The following SLC35F4 variants were observed in gnomAD, a reference collection of about 807,000 sequenced individuals.
SLC35F4 encodes the protein solute carrier family 35 member F4.
SLC35F4 carries 24 observed loss-of-function variants against 44.2 expected under a neutral mutation model. The ratio of observed to expected loss-of-function variants is 0.54; its 90% confidence interval spans 0.39 to 0.76. The LOEUF is 0.76. Ranked by LOEUF, SLC35F4 falls within the 30% of genes least tolerant of loss-of-function variation. The pLI is 0.00. For synonymous variants in SLC35F4, 238 were observed against 223.6 expected (o/e 1.06, Z -0.57); for missense variants, 562 against 586.1 (o/e 0.96, Z 0.42).
In SLC35F4 at chr14:57,569,000, A is replaced by T. The variant is rs553246413; in HGVS notation, c.1126+788T>A. The stretch of plus-strand genomic sequence containing the variant: ...CTCTCACATCAAGTGACAGCAGCAC[A>T]GCTTAAAAGTCAGATCCTGGAGCTC... On this transcript the variant is annotated intron_variant, in intron 6 of 7. Transcript: ENST00000556826. Among the ~76,000 whole-genome samples the T allele has an allele frequency of 9.8e-5, 15 of 152,290 alleles. No individual in the cohort carries two copies. The South Asian group carries it at 3.1e-3, about 32-fold the overall frequency.
At chr14:57,963,496 T>C (rs1332000291) in intron 1 of SLC35F4, among the ~76,000 whole-genome samples, 3 of 152,162 alleles carry the variant, frequency 2.0e-5, no homozygotes, top group Non-Finnish European at 2.9e-5. Flanking sequence ...CAGCAGGTCC[T>C]GCAGTGCTGT....
chr14:57,604,494 T>C (rs749816787), intron 1 of SLC35F4, among the ~76,000 whole-genome samples: 3 of 152,130 alleles, frequency 2.0e-5, no homozygotes, highest in South Asian at 2.1e-4. Flanking sequence ...TGCTCATGGA[T>C]TGGAAGAATC....
At chr14:57,660,911 A>C (rs2074117644) in intron 1 of SLC35F4, among the ~76,000 whole-genome samples, 1 of 151,888 alleles carries the variant, frequency 6.6e-6, no homozygotes, top group South Asian at 2.1e-4. Context: ...TAAAATCGTA[A>C]ATATTTGTTG....
chr14:57,846,548 A>C (rs145830295), intron 1 of SLC35F4, among the ~76,000 whole-genome samples: 4 of 152,294 alleles, frequency 2.6e-5, no homozygotes, highest in African/African-American at 9.6e-5. Context: ...AAACAAAATC[A>C]ATTTTTGTTC....
rs2068407995 is a variant in SLC35F4, at chr14:57,569,953, C to T, written c.961G>A (p.Ala321Thr). 1 of 1,608,442 alleles carries T rather than the reference C, an allele frequency of 6.2e-7. No individual in the cohort carries two copies. Among genetic ancestry groups the T allele is most frequent in the Non-Finnish European group, 8.5e-7 (1 of 1,178,008 alleles). ...AAGTGTGCAGCTTCCCCAAAGTTGGCACTTCCAAGAAACATTTTAAACAAG... is the reference window on the plus strand; with the variant it reads ...AAGTGTGCAGCTTCCCCAAAGTTGGTACTTCCAAGAAACATTTTAAACAAG... ...KVLFKMFLGS[A>T]NFGEAAHFVS... The change falls in exon 6 of 8, where the codon GCC (alanine) becomes ACC (threonine). Residue 321 changes from alanine (A) to threonine (T), a missense_variant. Physicochemically the swap from Ala to Thr is moderately conservative, Grantham distance 58. Coordinates refer to ENST00000556826, the MANE Select transcript of SLC35F4 (RefSeq NM_001306087.2).
chr14:57,568,344 A>G (rs541997812), intron 6 of SLC35F4, among the ~76,000 whole-genome samples: 1 of 152,386 alleles, frequency 6.6e-6, no homozygotes, highest in East Asian at 1.9e-4. Flanking sequence ...ACTTTGCAGC[A>G]GCAAGGTGGA....
At chr14:57,736,261 G>A (rs2076461585) in intron 1 of SLC35F4, among the ~76,000 whole-genome samples, 1 of 152,156 alleles carries the variant, frequency 6.6e-6, no homozygotes, top group Admixed American at 6.5e-5. Context: ...ATGTCTCTCA[G>A]TGTTCTGGCT....
intron 1 of SLC35F4, among the ~76,000 whole-genome samples, chr14:57,597,999 T>C: frequency 6.6e-6 from 1 of 152,168 alleles, no homozygotes; most frequent in East Asian, 1.9e-4. Flanking sequence ...TGACTTCATA[T>C]ACTAGGAATC....
intron 1 of SLC35F4, among the ~76,000 whole-genome samples, chr14:57,796,486 T>A (rs1211361408): frequency 6.6e-6 from 1 of 152,216 alleles, no homozygotes; most frequent in Non-Finnish European, 1.5e-5. Context: ...AATTGTATTT[T>A]CAGGTAACAG....
intron 1 of SLC35F4, among the ~76,000 whole-genome samples, chr14:57,806,355 A>C (rs2140872934): frequency 6.6e-6 from 1 of 152,266 alleles, no homozygotes; most frequent in Admixed American, 6.5e-5. Context: ...ATAGTCATTA[A>C]AAATAAAGGT....
At chr14:57,929,799 C>T (rs139874956) in intron 1 of SLC35F4, among the ~76,000 whole-genome samples, 1 of 152,200 alleles carries the variant, frequency 6.6e-6, no homozygotes, top group Non-Finnish European at 1.5e-5. Context: ...TGAATGAAAA[C>T]TCCCCTCAGT....
intron 1 of SLC35F4, among the ~76,000 whole-genome samples, chr14:57,893,853 A>G (rs1462747845): frequency 6.6e-6 from 1 of 151,236 alleles, no homozygotes; most frequent in Non-Finnish European, 1.5e-5. Context: ...CGTTCTGAGT[A>G]TATTTCAGTT....
In SLC35F4 at chr14:57,908,839, T is replaced by C. The variant is rs80121369; in HGVS notation, n.282+73074A>G. Among the ~76,000 whole-genome samples, 3,830 of 152,332 alleles carry C rather than the reference T, an allele frequency of 0.025. 428 individuals are homozygous for C. In the East Asian group the frequency reaches 0.39, roughly 16 times the overall value. On this transcript the variant is annotated intron_variant and non_coding_transcript_variant, in intron 1 of 1. Transcript: ENST00000556568. ...TTTGTTGCCATTGTTTTTGGCGTTT[T>C]AGTCATGAAGTCTTTGCCCATGCCT...
rs1053837875 is a variant in SLC35F4 at position 57,730,407 on chromosome 14, T to C, written c.103+135316A>G. ...CTGATGATCAGCGATGTTGAACTTT[T>C]TTTTTTTCACATACTTCCTAGCCAT... On this transcript the variant is annotated intron_variant, in intron 1 of 7. Transcript: ENST00000556826. Among the ~76,000 whole-genome samples the C allele has an allele frequency of 2.6e-3, 403 of 152,256 alleles. 4 individuals are homozygous for C. The highest frequency in any genetic ancestry group is 8.9e-3 in the African/African-American group (371 of 41,556).
At chr14:57,865,279 C>T (rs910940107) in intron 1 of SLC35F4, among the ~76,000 whole-genome samples, 1 of 151,992 alleles carries the variant, frequency 6.6e-6, no homozygotes, top group African/African-American at 2.4e-5. Flanking sequence ...CCCCCGCCAG[C>T]CCCACCCCCG....
At chr14:57,584,548 T>C (rs762637105) in intron 3 of SLC35F4, among the ~76,000 whole-genome samples, 1 of 152,170 alleles carries the variant, frequency 6.6e-6, no homozygotes, top group Admixed American at 6.5e-5. Context: ...GAGGAGGCCA[T>C]TGGAGAACAT....
intron 1 of SLC35F4, among the ~76,000 whole-genome samples, chr14:57,778,493 G>T (rs575950706): frequency 6.6e-6 from 1 of 151,568 alleles, no homozygotes; most frequent in African/African-American, 2.4e-5. Context: ...AGTTCTTAGA[G>T]ACCTTCAAAG....
At chr14:57,724,659 C>A (rs181306330) in intron 1 of SLC35F4, among the ~76,000 whole-genome samples, 53 of 152,304 alleles carry the variant, frequency 3.5e-4, no homozygotes, top group African/African-American at 9.4e-4. Flanking sequence ...TTCTCCCCCC[C>A]AGCCTGCACC....
chr14:57,894,564 C>A (rs1888834607), intron 1 of SLC35F4, among the ~76,000 whole-genome samples: 1 of 152,070 alleles, frequency 6.6e-6, no homozygotes, highest in African/African-American at 2.4e-5. Context: ...CACTGTTCAA[C>A]TTTGCACTGG....
Sources: gnomAD v4.1 joint callset for allele counts (sites outside exome capture counted in the v4.1 genomes callset) on GRCh38, gnomAD v4.1.1 for gene constraint, MANE v1.5 for transcripts, NCBI Gene and HGNC (gene_info 2026-07-23, HGNC 2026-07-21) for gene names.